Variants in YES1 observed in about 807,000 individuals in gnomAD.
YES1 encodes the protein YES proto-oncogene 1, Src family tyrosine kinase, also known as tyrosine-protein kinase Yes.
A neutral mutation model predicts 70.4 loss-of-function variants in YES1; 39 were observed. The ratio of observed to expected loss-of-function variants is 0.55; its 90% CI spans 0.43 to 0.72. YES1 has a LOEUF of 0.72. YES1 is among the 30% of genes least tolerant of loss of function. The pLI, the probability that YES1 is intolerant of heterozygous loss-of-function variation, is 0.00. For missense variants in YES1, 495 were observed against 644.8 expected (o/e 0.77, Z 2.52); for synonymous variants, 198 against 218.6 (o/e 0.91, Z 0.83).
At chr18:796,797 G>T (rs1367158413) in intron 1 of YES1, among the ~76,000 whole-genome samples, 1 of 151,878 alleles carries the variant, frequency 6.6e-6, no homozygotes, top group Non-Finnish European at 1.5e-5. Context: ...TCCCTCAAAA[G>T]AAAGAGCCCA....
intron 1 of YES1, among the ~76,000 whole-genome samples, chr18:767,475 A>G (rs1284155203): frequency 1.3e-5 from 2 of 151,964 alleles, no homozygotes; most frequent in South Asian, 2.1e-4. Flanking sequence ...TTAAAACTCG[A>G]TATCTAGTTC....
At chr18:783,204 T>C (rs940945461) in intron 1 of YES1, among the ~76,000 whole-genome samples, 3 of 152,152 alleles carry the variant, frequency 2.0e-5, no homozygotes, top group Non-Finnish European at 4.4e-5. Context: ...GCAAAATAGC[T>C]AGACCCCATC....
chr18:739,013 CAG>C (rs1317941560), intron 9 of YES1: 2 of 152,128 alleles, frequency 1.3e-5, no homozygotes, highest in South Asian at 2.1e-4. Context: ...TTAGTAGAGA[CAG>C]AGTTTCACCA....
intron 1 of YES1, among the ~76,000 whole-genome samples, chr18:794,214 T>G (rs546250307): frequency 6.6e-6 from 1 of 152,346 alleles, no homozygotes; most frequent in South Asian, 2.1e-4. Context: ...CCTCCTGATG[T>G]CTTGTACTCT....
chr18:755,402 C>A (rs1186254841), intron 2 of YES1, among the ~76,000 whole-genome samples: 1 of 152,152 alleles, frequency 6.6e-6, no homozygotes, highest in South Asian at 2.1e-4. Flanking sequence ...GTGCGCAACA[C>A]CACACCTGGC....
Position 752,769 on chromosome 18 carries a change from C to T in YES1, c.272-965G>A, listed in dbSNP as rs192817876. Among the ~76,000 whole-genome samples, 257 of 152,118 alleles carry T rather than the reference C, an allele frequency of 1.7e-3. 2 individuals are homozygous for T. Among genetic ancestry groups the T allele is most frequent in the Admixed American group, 3.7e-3 (57 of 15,272 alleles). On this transcript the variant is annotated intron_variant, in intron 2 of 11. Transcript: ENST00000314574. ...ACCAGCCTGGTCAACAGGGCGAAAC[C>T]CTGTCTGTACTAAAAATACAAAAAT...
chr18:779,416 AAAAG>A (rs1300397419), intron 1 of YES1, among the ~76,000 whole-genome samples: 16 of 151,846 alleles, frequency 1.1e-4, no homozygotes, highest in East Asian at 1.9e-4. Flanking sequence ...AAAAAAAAAA[AAAAG>A]AAAGAAAGAA....
At chr18:808,361 G>C (rs561451571) in intron 1 of YES1, among the ~76,000 whole-genome samples, 1 of 152,180 alleles carries the variant, frequency 6.6e-6, no homozygotes, top group Non-Finnish European at 1.5e-5. Flanking sequence ...CTGCAGCTGA[G>C]CAATACTCAG....
chr18:731,697 G>C (rs930774312), intron 11 of YES1, among the ~76,000 whole-genome samples: 4 of 152,134 alleles, frequency 2.6e-5, no homozygotes, highest in Non-Finnish European at 5.9e-5. Context: ...GCCAGGCACG[G>C]TGGCTCACGC....
chr18:773,307 C>G (rs1201130831), intron 1 of YES1, among the ~76,000 whole-genome samples: 2 of 152,152 alleles, frequency 1.3e-5, no homozygotes, highest in Non-Finnish European at 2.9e-5. Context: ...TTACTTTGTT[C>G]CCTCCTCATA....
intron 1 of YES1, among the ~76,000 whole-genome samples, chr18:772,684 G>A (rs1469961355): frequency 1.3e-5 from 2 of 151,906 alleles, no homozygotes; most frequent in Non-Finnish European, 1.5e-5. Context: ...CACCTGCCTC[G>A]GCCTCTCAAA....
At position 797,914 on chromosome 18, in the gene YES1, G is replaced by A. The variant is rs1196169193; in HGVS notation, c.-9+14200C>T. The A allele has an allele frequency of 3.3e-5, 5 of 152,148 alleles. No individual in the cohort carries two copies. The South Asian group carries it at 8.3e-4, about 25-fold the overall frequency. 9.4% of individuals were successfully genotyped at this position (152,148 alleles called of 1,614,324 possible). Reference sequence around the variant, plus strand: ...GACATGAACTCATGTAAAGCTACATGCCTCTATTTTCTTATTATTTATTTG... The same window carrying A: ...GACATGAACTCATGTAAAGCTACATACCTCTATTTTCTTATTATTTATTTG... On this transcript the variant is annotated intron_variant, in intron 1 of 11. Coordinates refer to ENST00000314574, the MANE Select transcript of YES1 (RefSeq NM_005433.4).
intron 1 of YES1, among the ~76,000 whole-genome samples, chr18:767,874 T>C (rs1178151109): frequency 1.3e-5 from 2 of 152,126 alleles, no homozygotes; most frequent in Non-Finnish European, 2.9e-5. Context: ...CTAATTTTTG[T>C]ATTTTTAGTA....
At chr18:740,446 T>C (rs980826185) in intron 8 of YES1, among the ~76,000 whole-genome samples, 4 of 152,218 alleles carry the variant, frequency 2.6e-5, no homozygotes, top group Admixed American at 2.0e-4. Flanking sequence ...GGAATGGCTC[T>C]AGATTAAAGG....
At chr18:790,385 C>T (rs911806576) in intron 1 of YES1, among the ~76,000 whole-genome samples, 7 of 152,152 alleles carry the variant, frequency 4.6e-5, no homozygotes, top group African/African-American at 1.2e-4. Flanking sequence ...TCAGAGCTGG[C>T]GGGGGTAACC....
chr18:747,464 T>C (rs8091546), intron 4 of YES1, among the ~76,000 whole-genome samples: 70,236 of 151,914 alleles, frequency 0.46, 16,390 homozygotes, highest in African/African-American at 0.54. Flanking sequence ...GCCAAGACCC[T>C]GTCTCAAAAA....
intron 1 of YES1, among the ~76,000 whole-genome samples, chr18:759,445 C>T (rs1296901182): frequency 1.3e-5 from 2 of 152,248 alleles, no homozygotes; most frequent in Non-Finnish European, 2.9e-5. Flanking sequence ...CCAGCCTGGG[C>T]GACAAGAACG....
At chr18:807,724 T>C (rs969752632) in intron 1 of YES1, among the ~76,000 whole-genome samples, 17 of 152,160 alleles carry the variant, frequency 1.1e-4, no homozygotes, top group Non-Finnish European at 2.4e-4. Flanking sequence ...GAGTTCCTAC[T>C]AGCAAAATTC....
chr18:779,690 T>A (rs930246397), intron 1 of YES1, among the ~76,000 whole-genome samples: 3 of 152,160 alleles, frequency 2.0e-5, no homozygotes, highest in African/African-American at 7.2e-5. Context: ...GCTGACCATA[T>A]ACCTATCTCA....
Sources: allele counts gnomAD v4.1 joint callset (sites outside exome capture counted in the v4.1 genomes callset), GRCh38; gene constraint gnomAD v4.1.1; transcripts MANE v1.5; gene names NCBI Gene and HGNC (gene_info 2026-07-23, HGNC 2026-07-21).